Variants in DACH1 observed in about 807,000 individuals in gnomAD.
The protein encoded by DACH1 is dachshund homolog 1.
A neutral mutation model predicts 54.2 loss-of-function variants in DACH1; 12 were observed. The ratio of observed to expected loss-of-function variants is 0.22; its 90% confidence interval spans 0.14 to 0.36. The LOEUF (loss-of-function observed/expected upper bound fraction) is 0.36. DACH1 is among the 10% of genes least tolerant of loss of function. The pLI, the probability that DACH1 is intolerant of heterozygous loss-of-function variation, is 1.00. For missense variants in DACH1, 805 were observed against 929.8 expected, an observed-to-expected ratio of 0.87 and a Z score of 1.75; for synonymous variants, 386 against 366.2, an observed-to-expected ratio of 1.05 and a Z score of -0.62.
intron 1 of DACH1, among the ~76,000 whole-genome samples, chr13:71,782,331 A>T (rs1886419819): frequency 6.6e-6 from 1 of 152,140 alleles, no homozygotes; most frequent in South Asian, 2.1e-4. Flanking sequence ...AGTCCTAGCC[A>T]CTAAGGAGGC....
intron 1 of DACH1, among the ~76,000 whole-genome samples, chr13:71,744,260 T>C (rs1277027062): frequency 2.0e-5 from 3 of 152,194 alleles, no homozygotes; most frequent in Non-Finnish European, 4.4e-5. Flanking sequence ...ATATAGCTCA[T>C]GAATTTTAGA....
At chr13:71,788,590 C>G (rs143668258) in intron 1 of DACH1, among the ~76,000 whole-genome samples, 1 of 151,826 alleles carries the variant, frequency 6.6e-6, no homozygotes, top group Admixed American at 6.6e-5. Flanking sequence ...ACATACCCCC[C>G]CACACACACA....
At chr13:71,496,076 T>A (rs1472123017) in intron 6 of DACH1, among the ~76,000 whole-genome samples, 1 of 151,320 alleles carries the variant, frequency 6.6e-6, no homozygotes, top group Non-Finnish European at 1.5e-5. Context: ...CTACTAAAAG[T>A]ACAAAAATTA....
intron 1 of DACH1, among the ~76,000 whole-genome samples, chr13:71,838,206 T>C (rs898818577): frequency 6.6e-6 from 1 of 152,122 alleles, no homozygotes; most frequent in East Asian, 1.9e-4. Context: ...TTTTTGCTAA[T>C]AGATGTTTTA....
At chr13:71,815,376 A>C (rs768274912) in intron 1 of DACH1, among the ~76,000 whole-genome samples, 1 of 152,040 alleles carries the variant, frequency 6.6e-6, no homozygotes, top group Non-Finnish European at 1.5e-5. Context: ...GCACAGTGTT[A>C]TTCATTATTA....
chr13:71,505,118 C>T (rs536148908), intron 6 of DACH1, among the ~76,000 whole-genome samples: 163 of 152,192 alleles, frequency 1.1e-3, no homozygotes, highest in African/African-American at 3.8e-3. Flanking sequence ...GAGTCTTACT[C>T]TGTCGCCAGG....
rs1046349802 is a variant in DACH1 at position 71,816,456 on chromosome 13, C to T, written c.848+49466G>A. Among the ~76,000 whole-genome samples, 6 of 151,442 alleles carry T rather than the reference C, an allele frequency of 4.0e-5. No homozygotes were observed. The East Asian group carries it at 1.2e-3, about 29-fold the overall frequency. On this transcript the variant is annotated intron_variant, in intron 1 of 10. Coordinates refer to ENST00000613252, the MANE Select transcript of DACH1 (RefSeq NM_080759.6). ...CCTATTATAAAGACACATGCATGTG[C>T]GTGTTCAGTGCTGCACTAGTCACAA...
chr13:71,573,306 C>A, intron 3 of DACH1: 1 of 629,382 alleles, frequency 1.6e-6, no homozygotes, highest in Admixed American at 2.7e-5. Flanking sequence ...TTTAACTTAT[C>A]CCAATTAGCT....
chr13:71,511,703 C>A (rs914441574), intron 6 of DACH1, among the ~76,000 whole-genome samples: 1 of 151,798 alleles, frequency 6.6e-6, no homozygotes, highest in Non-Finnish European at 1.5e-5. Context: ...AAGGAACAAA[C>A]CTTACTAGCC....
chr13:71,468,785 A>G (rs1318547819), intron 10 of DACH1, among the ~76,000 whole-genome samples: 1 of 152,154 alleles, frequency 6.6e-6, no homozygotes, highest in Non-Finnish European at 1.5e-5. Flanking sequence ...TCTAAATATG[A>G]TTACTGTCTT....
chr13:71,781,563 A>G (rs2138067658), intron 1 of DACH1, among the ~76,000 whole-genome samples: 1 of 151,918 alleles, frequency 6.6e-6, no homozygotes, highest in South Asian at 2.1e-4. Flanking sequence ...TATTTTTAGT[A>G]GAGACGGGGT....
chr13:71,543,560 G>A (rs1332714902), intron 6 of DACH1, among the ~76,000 whole-genome samples: 3 of 152,074 alleles, frequency 2.0e-5, no homozygotes, highest in Non-Finnish European at 4.4e-5. Flanking sequence ...GAACTAACAT[G>A]CTTGATCAGA....
At chr13:71,846,552 C>T (rs1041389717) in intron 1 of DACH1, among the ~76,000 whole-genome samples, 1 of 152,212 alleles carries the variant, frequency 6.6e-6, no homozygotes, top group Non-Finnish European at 1.5e-5. Flanking sequence ...ATCACTTGAA[C>T]CCCGGAGGCG....
chr13:71,711,452 C>G (rs767399911), intron 1 of DACH1, among the ~76,000 whole-genome samples: 10 of 152,076 alleles, frequency 6.6e-5, no homozygotes, highest in Non-Finnish European at 8.8e-5. Flanking sequence ...CCTCTGAATT[C>G]ATAAGTCATA....
At chr13:71,473,574 A>G (rs183448586) in intron 10 of DACH1, among the ~76,000 whole-genome samples, 4 of 152,336 alleles carry the variant, frequency 2.6e-5, no homozygotes, top group Admixed American at 2.6e-4. Flanking sequence ...TTAACAACCA[A>G]CATGTTGTTA....
At chr13:71,717,293 T>A (rs946249855) in intron 1 of DACH1, among the ~76,000 whole-genome samples, 2 of 152,176 alleles carry the variant, frequency 1.3e-5, no homozygotes, top group Non-Finnish European at 2.9e-5. Flanking sequence ...CAACAAGAAA[T>A]GCCTAATTGT....
intron 6 of DACH1, among the ~76,000 whole-genome samples, chr13:71,533,315 G>C (rs1882539120): frequency 6.6e-6 from 1 of 151,744 alleles, no homozygotes; most frequent in Admixed American, 6.6e-5. Flanking sequence ...AAATAAAAAA[G>C]TTTCATAAGT....
intron 2 of DACH1, among the ~76,000 whole-genome samples, chr13:71,650,484 A>C (rs945306551): frequency 6.6e-6 from 1 of 152,186 alleles, no homozygotes; most frequent in African/African-American, 2.4e-5. Flanking sequence ...TAAAATATTT[A>C]ATTTTTAACT....
chr13:71,620,911 A>T (rs1876186738), intron 3 of DACH1, among the ~76,000 whole-genome samples: 1 of 151,896 alleles, frequency 6.6e-6, no homozygotes, highest in Non-Finnish European at 1.5e-5. Context: ...AAAGTGAAAC[A>T]TTTTCCTGAG....
Sources: gnomAD v4.1 joint callset for allele counts (sites outside exome capture counted in the v4.1 genomes callset) on GRCh38, gnomAD v4.1.1 for gene constraint, MANE v1.5 for transcripts, NCBI Gene and HGNC (gene_info 2026-07-23, HGNC 2026-07-21) for gene names.